The following ADAMTS6 variants were observed in gnomAD, a reference collection of about 807,000 sequenced individuals.
ADAMTS6 encodes the protein ADAM metallopeptidase with thrombospondin type 1 motif 6.
A neutral mutation model predicts 144.3 loss-of-function variants in ADAMTS6; 23 were observed. That is an observed-to-expected ratio of 0.16 (90% confidence interval 0.11 to 0.23). The LOEUF (loss-of-function observed/expected upper bound fraction) is 0.23. Among genes scored for constraint, ADAMTS6 ranks in the 10% least tolerant of loss-of-function variants. The pLI is 1.00. For missense variants in ADAMTS6, 999 were observed against 1,379.6 expected (o/e 0.72, Z 4.37); for synonymous variants, 444 against 457.5 (o/e 0.97, Z 0.38).
At chr5:65,236,916 C>T (rs543501416) in intron 15 of ADAMTS6, among the ~76,000 whole-genome samples, 2 of 151,932 alleles carry the variant, frequency 1.3e-5, no homozygotes, top group African/African-American at 2.4e-5. Context: ...AAATCCCAAA[C>T]AAGACTGACC....
chr5:65,252,856 ATATTCTGGATTT>A (rs1222265050), intron 14 of ADAMTS6, among the ~76,000 whole-genome samples: 2 of 151,970 alleles, frequency 1.3e-5, no homozygotes, highest in Non-Finnish European at 2.9e-5. Flanking sequence ...AATCAGCCTA[ATATTCTGGATTT>A]TCTATTTTCT....
chr5:65,400,103 T>C (rs1389581009), intron 7 of ADAMTS6, among the ~76,000 whole-genome samples: 1 of 152,254 alleles, frequency 6.6e-6, no homozygotes, highest in Non-Finnish European at 1.5e-5. Flanking sequence ...ATAGTTTCTG[T>C]TGAGTAGTTA....
intron 22 of ADAMTS6, among the ~76,000 whole-genome samples, chr5:65,175,588 G>A (rs6875154): frequency 0.033 from 5,055 of 152,158 alleles, 262 homozygotes; most frequent in African/African-American, 0.12. Context: ...ACCTGTGGAT[G>A]GCCCAGAAGC....
chr5:65,163,688 T>C (rs542047271), intron 24 of ADAMTS6, among the ~76,000 whole-genome samples: 19 of 152,234 alleles, frequency 1.2e-4, no homozygotes, highest in Non-Finnish European at 2.4e-4. Context: ...TATTTGACTA[T>C]ATATTAATGA....
At chr5:65,367,880 A>ATATATATATGTG (rs1045537804) in intron 7 of ADAMTS6, among the ~76,000 whole-genome samples, 1 of 151,708 alleles carries the variant, frequency 6.6e-6, no homozygotes, top group East Asian at 1.9e-4. Context: ...ATGTGTGTGT[A>ATATATATATGTG]TATATATATG....
At chr5:65,364,691 T>C (rs1025937737) in intron 7 of ADAMTS6, among the ~76,000 whole-genome samples, 5 of 151,106 alleles carry the variant, frequency 3.3e-5, no homozygotes, top group African/African-American at 1.2e-4. Context: ...CTCAGCCTCC[T>C]GAGTAGCTGG....
At chr5:65,338,229 T>A (rs1580433298) in intron 7 of ADAMTS6, among the ~76,000 whole-genome samples, 1 of 152,324 alleles carries the variant, frequency 6.6e-6, no homozygotes, top group East Asian at 1.9e-4. Context: ...GAAAAAGAAT[T>A]AAGAAAGTTG....
intron 11 of ADAMTS6, among the ~76,000 whole-genome samples, chr5:65,279,643 T>C (rs1264495939): frequency 1.3e-5 from 2 of 152,188 alleles, no homozygotes; most frequent in African/African-American, 4.8e-5. Flanking sequence ...AGTGTTCTTT[T>C]TATTTATCTA....
chr5:65,462,830 C>T (rs1209648264), intron 3 of ADAMTS6, among the ~76,000 whole-genome samples: 2 of 151,964 alleles, frequency 1.3e-5, no homozygotes, highest in African/African-American at 4.8e-5. Flanking sequence ...ACCTGTAATC[C>T]CAGCACTTTG....
At chr5:65,425,307 C>T (rs1204389074) in intron 7 of ADAMTS6, among the ~76,000 whole-genome samples, 1 of 152,170 alleles carries the variant, frequency 6.6e-6, no homozygotes, top group Non-Finnish European at 1.5e-5. Context: ...GGATTACATG[C>T]GTGAGCCACT....
chr5:65,192,205 C>G (rs1336818748), intron 21 of ADAMTS6, among the ~76,000 whole-genome samples: 1 of 146,118 alleles, frequency 6.8e-6, no homozygotes, highest in East Asian at 2.0e-4. Context: ...CTCTTCCCAC[C>G]CTAAGTTTCC....
intron 7 of ADAMTS6, among the ~76,000 whole-genome samples, chr5:65,368,125 G>C (rs1175757694): frequency 6.6e-6 from 1 of 152,142 alleles, no homozygotes. Context: ...TAACTTTTAA[G>C]AATTGGTCCT....
chr5:65,159,152 T>G (rs897774982), intron 24 of ADAMTS6, among the ~76,000 whole-genome samples: 2 of 152,012 alleles, frequency 1.3e-5, no homozygotes, highest in African/African-American at 4.8e-5. Context: ...TTTATTATTT[T>G]CCCCCCAGTT....
At chr5:65,302,131 CACATATAATATATATTT>C (rs1561398271) in intron 9 of ADAMTS6, among the ~76,000 whole-genome samples, 2 of 137,756 alleles carry the variant, frequency 1.5e-5, no homozygotes, top group East Asian at 2.0e-4. Flanking sequence ...TATATATATG[CACATATAATATATATTT>C]ACATATAATA....
intron 7 of ADAMTS6, among the ~76,000 whole-genome samples, chr5:65,419,440 T>G (rs967440225): frequency 1.3e-5 from 2 of 152,114 alleles, no homozygotes; most frequent in Admixed American, 1.3e-4. Context: ...AAACTAACTA[T>G]TGGACACTAT....
intron 15 of ADAMTS6, among the ~76,000 whole-genome samples, chr5:65,235,186 G>A (rs1315584603): frequency 6.6e-6 from 1 of 152,146 alleles, no homozygotes; most frequent in Non-Finnish European, 1.5e-5. Flanking sequence ...CTTTAAATTT[G>A]TTAAGAGAGT....
intron 13 of ADAMTS6, among the ~76,000 whole-genome samples, chr5:65,261,236 G>A (rs1761170707): frequency 6.6e-6 from 1 of 152,026 alleles, no homozygotes; most frequent in Admixed American, 6.6e-5. Flanking sequence ...AGATGGCTTT[G>A]CATTATATAA....
At chr5:65,340,666 T>C (rs1747732515) in intron 7 of ADAMTS6, among the ~76,000 whole-genome samples, 1 of 151,672 alleles carries the variant, frequency 6.6e-6, no homozygotes, top group African/African-American at 2.4e-5. Flanking sequence ...AGATATAAAC[T>C]GGCTAAATAG....
At chr5:65,178,544 AAG>A (rs1243423674) in intron 22 of ADAMTS6, among the ~76,000 whole-genome samples, 7 of 152,222 alleles carry the variant, frequency 4.6e-5, no homozygotes, top group Non-Finnish European at 8.8e-5. Context: ...ATGTGTCAGA[AAG>A]AGAAAAAAAT....
Sources: allele counts gnomAD v4.1 joint callset (sites outside exome capture counted in the v4.1 genomes callset), GRCh38; gene constraint gnomAD v4.1.1; transcripts MANE v1.5; gene names NCBI Gene and HGNC (gene_info 2026-07-23, HGNC 2026-07-21).